Variants in MAPK10 observed in about 807,000 individuals in gnomAD.
The protein encoded by MAPK10 is JNK3 alpha protein kinase.
Under a neutral mutation model 59.3 loss-of-function variants are expected in MAPK10, and 25 were observed. That is an observed-to-expected ratio of 0.42 (90% CI 0.31 to 0.59). The LOEUF (loss-of-function observed/expected upper bound fraction) is 0.59, where lower values mean the gene tolerates loss of function less well. Ranked by LOEUF, MAPK10 falls within the 20% of genes least tolerant of loss-of-function variation. The pLI, the probability that MAPK10 is intolerant of heterozygous loss-of-function variation, is 0.15. For missense variants in MAPK10, 351 were observed against 568.9 expected, an observed-to-expected ratio of 0.62 and a Z score of 3.90; for synonymous variants, 190 against 200.5, an observed-to-expected ratio of 0.95 and a Z score of 0.44.
At position 86,011,884 on chromosome 4, in the gene MAPK10, CAA is replaced by C. The variant is rs1222080442; in HGVS notation, c.*5342_*5343del. 1 of 152,162 alleles carries C rather than the reference CAA, an allele frequency of 6.6e-6. No individual in the cohort carries two copies. The highest frequency in any genetic ancestry group is 1.5e-5 in the Non-Finnish European group (1 of 68,026). The allele number at this position is 152,162 out of a possible 1,614,324, so 9.4% of individuals were successfully genotyped here. A position where few individuals can be genotyped will look rare whatever the true frequency, so the allele number is the denominator to read the frequency against. On this transcript the variant is annotated 3_prime_UTR_variant, in exon 14 of 14. Coordinates refer to ENST00000641462, the MANE Select transcript of MAPK10 (RefSeq NM_138982.4). ...ATAGAAGAGCCACTCCTCAACTGTTCAAACACTGCAAAGTAAACTAATGCAAG... is the reference window on the plus strand; with the variant it reads ...ATAGAAGAGCCACTCCTCAACTGTTCACACTGCAAAGTAAACTAATGCAAG...
intron 2 of MAPK10, among the ~76,000 whole-genome samples, chr4:86,210,968 A>G (rs571960182): frequency 5.3e-5 from 8 of 151,916 alleles, no homozygotes; most frequent in African/African-American, 1.7e-4. Flanking sequence ...GACAAACTCC[A>G]AGGAAGATTT....
intron 1 of MAPK10, among the ~76,000 whole-genome samples, chr4:86,445,793 G>T (rs1749962544): frequency 6.6e-6 from 1 of 152,034 alleles, no homozygotes; most frequent in Admixed American, 6.6e-5. Context: ...CTTCAAAAGT[G>T]TAAGAGGCTT....
At chr4:86,074,622 G>A (rs372219413) in intron 9 of MAPK10, among the ~76,000 whole-genome samples, 7 of 134,364 alleles carry the variant, frequency 5.2e-5, no homozygotes, top group African/African-American at 2.1e-4. Flanking sequence ...TTGCTTGTCT[G>A]TAAAGTATTT....
intron 2 of MAPK10, among the ~76,000 whole-genome samples, chr4:86,232,133 C>T (rs2091640123): frequency 6.6e-6 from 1 of 152,174 alleles, no homozygotes; most frequent in South Asian, 2.1e-4. Flanking sequence ...AGAGACAATA[C>T]ATAAACAAAG....
At chr4:86,287,985 T>A (rs938522930) in intron 2 of MAPK10, among the ~76,000 whole-genome samples, 1 of 152,056 alleles carries the variant, frequency 6.6e-6, no homozygotes, top group Admixed American at 6.6e-5. Flanking sequence ...ATGACCAAGA[T>A]CAAATAAATT....
At chr4:86,399,009 G>A (rs111637724) in intron 1 of MAPK10, among the ~76,000 whole-genome samples, 3,211 of 152,246 alleles carry the variant, frequency 0.021, 111 homozygotes, top group African/African-American at 0.072. Context: ...GTCCACCGAT[G>A]CTGGGCACCT....
At position 86,188,502 on chromosome 4, in the gene MAPK10, G is replaced by T. The variant is rs116128351; in HGVS notation, c.66+5834C>A. 8.2e-3 allele frequency among the ~76,000 whole-genome samples: 1,244 copies of T among 152,314 alleles called. 9 individuals carry two copies. The highest frequency in any genetic ancestry group is 0.012 in the Non-Finnish European group (790 of 68,028). ...TTGCATTTCTCCAATGACCAGTGAT[G>T]AAGAGCTTTTTTTCATATGTTTGTT... On this transcript the variant is annotated intron_variant, in intron 3 of 13. Coordinates refer to ENST00000641462, the MANE Select transcript of MAPK10 (RefSeq NM_138982.4).
intron 1 of MAPK10, among the ~76,000 whole-genome samples, chr4:86,514,014 T>C (rs1756474894): frequency 6.6e-6 from 1 of 152,126 alleles, no homozygotes; most frequent in Admixed American, 6.5e-5. Context: ...ATCCCAGGAC[T>C]GAAGGACAAT....
intron 4 of MAPK10, among the ~76,000 whole-genome samples, chr4:86,155,032 A>T (rs1043385503): frequency 6.6e-6 from 1 of 152,076 alleles, no homozygotes; most frequent in African/African-American, 2.4e-5. Context: ...ACCTTTTCCA[A>T]TCATTTTGTG....
chr4:86,237,573 T>C (rs1290054282), intron 2 of MAPK10, among the ~76,000 whole-genome samples: 1 of 152,224 alleles, frequency 6.6e-6, no homozygotes, highest in Non-Finnish European at 1.5e-5. Flanking sequence ...TGGTATCTCA[T>C]TGTGGTTTTG....
intron 2 of MAPK10, among the ~76,000 whole-genome samples, chr4:86,332,032 A>G (rs961741129): frequency 1.3e-5 from 2 of 152,194 alleles, no homozygotes; most frequent in African/African-American, 2.4e-5. Context: ...TTCTGGAGTG[A>G]TTAGCAGATA....
intron 9 of MAPK10, 55 bp from the exon 10 acceptor site, chr4:86,068,010 A>G: frequency 8.2e-7 from 1 of 1,216,808 alleles, no homozygotes; most frequent in Non-Finnish European, 1.1e-6. Flanking sequence ...GCCTTTCAAC[A>G]ATTGGGAGAC....
intron 1 of MAPK10, among the ~76,000 whole-genome samples, chr4:86,482,761 C>G (rs1753703637): frequency 6.6e-6 from 1 of 152,102 alleles, no homozygotes; most frequent in African/African-American, 2.4e-5. Context: ...TTGCATGAGG[C>G]CCAAGAGAAT....
At chr4:86,480,405 CT>C (rs1162503105) in intron 1 of MAPK10, among the ~76,000 whole-genome samples, 6 of 152,092 alleles carry the variant, frequency 3.9e-5, no homozygotes, top group South Asian at 2.1e-4. Context: ...GACCCCACCC[CT>C]ATCTCTCTTC....
intron 1 of MAPK10, among the ~76,000 whole-genome samples, chr4:86,426,740 CA>C (rs1361960451): frequency 6.6e-6 from 1 of 152,140 alleles, no homozygotes; most frequent in Non-Finnish European, 1.5e-5. Flanking sequence ...AGCTCTTGTG[CA>C]AGTCATTTTA....
rs1403202246 is a variant in MAPK10 at position 86,126,515 on chromosome 4, A to T, written c.237-19163T>A. ...CCAAATGTTTATTTCCAAAGCTTTA[A>T]ATATGTTAGAAAAGGGGCACTGGAT... On this transcript the variant is annotated intron_variant, in intron 4 of 13. Transcript: ENST00000641462. Among the ~76,000 whole-genome samples, 52 of 152,034 alleles carry T rather than the reference A, an allele frequency of 3.4e-4. 1 individual carries two copies. The highest frequency in any genetic ancestry group is 1.6e-4 in the Non-Finnish European group (11 of 67,978).
chr4:86,190,274 G>A (rs546568736), intron 3 of MAPK10, among the ~76,000 whole-genome samples: 1 of 152,144 alleles, frequency 6.6e-6, no homozygotes, highest in Non-Finnish European at 1.5e-5. Context: ...AATGAGTAAG[G>A]AAGGAGTCCC....
intron 2 of MAPK10, among the ~76,000 whole-genome samples, chr4:86,285,562 A>T (rs2094973503): frequency 6.6e-6 from 1 of 152,134 alleles, no homozygotes; most frequent in African/African-American, 2.4e-5. Flanking sequence ...CGTACAACTC[A>T]GATAGATTTA....
At chr4:86,548,521 T>G (rs531316040) in intron 1 of MAPK10, among the ~76,000 whole-genome samples, 1 of 151,996 alleles carries the variant, frequency 6.6e-6, no homozygotes, top group East Asian at 1.9e-4. Flanking sequence ...GGGCTGGAGG[T>G]GGGGTCTGGT....
Sources: allele counts gnomAD v4.1 joint callset (sites outside exome capture counted in the v4.1 genomes callset), GRCh38; gene constraint gnomAD v4.1.1; transcripts MANE v1.5; gene names NCBI Gene and HGNC (gene_info 2026-07-23, HGNC 2026-07-21).